The following CDH13 variants were observed in gnomAD, a reference collection of about 807,000 sequenced individuals.
CDH13 encodes the protein cadherin 13.
CDH13 carries 24 observed loss-of-function variants against 63.8 expected under a neutral mutation model. That is an observed-to-expected ratio of 0.38 (90% confidence interval 0.27 to 0.53). The LOEUF is 0.53. Among genes scored for constraint, CDH13 ranks in the 20% least tolerant of loss-of-function variants. The pLI is 0.85. For missense variants in CDH13, 1,049 were observed against 903.1 expected (o/e 1.16, Z -2.07); for synonymous variants, 503 against 355.3 (o/e 1.42, Z -4.67).
intron 1 of CDH13, among the ~76,000 whole-genome samples, chr16:82,827,008 C>T (rs1173096579): frequency 6.6e-6 from 1 of 152,106 alleles, no homozygotes; most frequent in Non-Finnish European, 1.5e-5. Flanking sequence ...TTCATCCAGC[C>T]CCTGGCATGT....
chr16:83,401,363 A>G (rs1032045890), intron 6 of CDH13, among the ~76,000 whole-genome samples: 3 of 150,980 alleles, frequency 2.0e-5, no homozygotes, highest in African/African-American at 4.9e-5. Context: ...AAAAAAGATT[A>G]TATAAAAAAT....
intron 3 of CDH13, among the ~76,000 whole-genome samples, chr16:83,118,346 G>A (rs2035406531): frequency 6.6e-6 from 1 of 152,216 alleles, no homozygotes; most frequent in African/African-American, 2.4e-5. Flanking sequence ...TCTGTTGCAT[G>A]TACATCTGCT....
chr16:82,725,659 C>G (rs1356488219), intron 1 of CDH13, among the ~76,000 whole-genome samples: 3 of 152,130 alleles, frequency 2.0e-5, no homozygotes. Context: ...TGGCTTTTCT[C>G]TATACATTGT....
At chr16:83,016,300 G>T (rs991100415) in intron 2 of CDH13, among the ~76,000 whole-genome samples, 4 of 152,228 alleles carry the variant, frequency 2.6e-5, no homozygotes, top group African/African-American at 7.2e-5. Flanking sequence ...CAACTAGACA[G>T]AACCAATCTG....
chr16:83,161,119 T>C (rs796069868), intron 4 of CDH13, among the ~76,000 whole-genome samples: 6 of 152,318 alleles, frequency 3.9e-5, no homozygotes, highest in African/African-American at 9.6e-5. Context: ...AAGCTTTGAA[T>C]TTTTGATATC....
rs1470271847 is a variant in CDH13 at position 83,379,593 on chromosome 16, A to C, written c.781+34587A>C. ...ACAACTTGATCATGAGAAGGTTTTC[A>C]CAGGCCTTCCTGAAATCATGATACT... On this transcript the variant is annotated intron_variant, in intron 6 of 13. Transcript: ENST00000567109. Among the ~76,000 whole-genome samples, 12 of 152,238 alleles carry C rather than the reference A, an allele frequency of 7.9e-5. No homozygotes were observed. The East Asian group carries it at 2.3e-3, about 29-fold the overall frequency.
At chr16:82,984,476 T>A (rs762603650) in intron 2 of CDH13, among the ~76,000 whole-genome samples, 2 of 152,250 alleles carry the variant, frequency 1.3e-5, no homozygotes, top group Non-Finnish European at 2.9e-5. Flanking sequence ...CTCAGATTTC[T>A]TCGCTGTAAA....
At chr16:83,731,564 T>G (rs1183199037) in intron 10 of CDH13, among the ~76,000 whole-genome samples, 2 of 152,242 alleles carry the variant, frequency 1.3e-5, no homozygotes, top group Non-Finnish European at 2.9e-5. Context: ...ATATTAGACC[T>G]TTGTTGGAAG....
chr16:83,433,512 T>C (rs972185421), intron 6 of CDH13, among the ~76,000 whole-genome samples: 1 of 152,214 alleles, frequency 6.6e-6, no homozygotes, highest in African/African-American at 2.4e-5. Context: ...TTGGTGCACC[T>C]ACTAATTTTA....
intron 1 of CDH13, among the ~76,000 whole-genome samples, chr16:82,739,251 G>A (rs1255662914): frequency 1.3e-5 from 2 of 152,116 alleles, no homozygotes; most frequent in Admixed American, 6.5e-5. Context: ...CTTTTCAGAT[G>A]ATATGCCCTT....
At chr16:82,785,635 G>A (rs1387638988) in intron 1 of CDH13, among the ~76,000 whole-genome samples, 4 of 152,248 alleles carry the variant, frequency 2.6e-5, no homozygotes, top group African/African-American at 9.6e-5. Flanking sequence ...CCATTCTAGA[G>A]ATTTGATAAT....
intron 7 of CDH13, among the ~76,000 whole-genome samples, chr16:83,536,182 G>T (rs4782814): frequency 0.52 from 79,012 of 152,024 alleles, 20,726 homozygotes; most frequent in Non-Finnish European, 0.56. Context: ...CTATGATAGC[G>T]GCTATGGGGG....
intron 4 of CDH13, among the ~76,000 whole-genome samples, chr16:83,150,275 T>C (rs2036920454): frequency 6.6e-6 from 1 of 152,194 alleles, no homozygotes; most frequent in South Asian, 2.1e-4. Context: ...AGAAGAAAAG[T>C]AATAATAATG....
intron 5 of CDH13, among the ~76,000 whole-genome samples, chr16:83,329,663 A>G (rs2090440655): frequency 6.6e-6 from 1 of 151,870 alleles, no homozygotes; most frequent in South Asian, 2.1e-4. Flanking sequence ...CTCATCTGAA[A>G]CTCTATAGCT....
intron 2 of CDH13, among the ~76,000 whole-genome samples, chr16:82,958,914 C>T (rs757325055): frequency 3.3e-5 from 5 of 152,192 alleles, no homozygotes; most frequent in East Asian, 1.9e-4. Context: ...TGGTTATGAA[C>T]GAATGAAATC....
At chr16:83,313,176 A>G (rs2090036543) in intron 5 of CDH13, among the ~76,000 whole-genome samples, 1 of 152,218 alleles carries the variant, frequency 6.6e-6, no homozygotes, top group Admixed American at 6.5e-5. Context: ...ATTTAAGTAG[A>G]GCTGGGAACA....
intron 7 of CDH13, among the ~76,000 whole-genome samples, chr16:83,536,739 T>C (rs1231869115): frequency 2.0e-5 from 3 of 152,108 alleles, no homozygotes; most frequent in Non-Finnish European, 4.4e-5. Context: ...GACTACCATA[T>C]TGGTTCAAAC....
At chr16:82,991,194 GT>G (rs1333847130) in intron 2 of CDH13, among the ~76,000 whole-genome samples, 1 of 152,156 alleles carries the variant, frequency 6.6e-6, no homozygotes, top group African/African-American at 2.4e-5. Flanking sequence ...ATAGCAACAT[GT>G]CTACCAAGAG....
Position 82,961,095 on chromosome 16 carries a change from C to G in CDH13, c.158-70915C>G, listed in dbSNP as rs564862438. 3.3e-5 allele frequency among the ~76,000 whole-genome samples: 5 copies of G among 152,310 alleles called. No individual in the cohort carries two copies. In the East Asian group the frequency reaches 9.7e-4, roughly 29 times the overall value. ...CCACATGACTCTGCAACTGCCACTGCCTCCCCACACCCCCTGAGCTGGCGC... is the reference window on the plus strand; with the variant it reads ...CCACATGACTCTGCAACTGCCACTGGCTCCCCACACCCCCTGAGCTGGCGC... On this transcript the variant is annotated intron_variant, in intron 2 of 13. Coordinates refer to ENST00000567109, the MANE Select transcript of CDH13 (RefSeq NM_001257.5).
Sources: allele counts gnomAD v4.1 joint callset (sites outside exome capture counted in the v4.1 genomes callset), GRCh38; gene constraint gnomAD v4.1.1; transcripts MANE v1.5; gene names NCBI Gene and HGNC (gene_info 2026-07-23, HGNC 2026-07-21).